ZNF385D: variants seen among roughly 807,000 people sequenced by gnomAD.
ZNF385D encodes zinc finger protein 659.
ZNF385D carries 15 observed loss-of-function variants against 35.8 expected under a neutral mutation model. That is an observed-to-expected ratio of 0.42 (90% CI 0.28 to 0.64). ZNF385D has a LOEUF of 0.64. Among genes scored for constraint, ZNF385D ranks in the 30% least tolerant of loss-of-function variants. ZNF385D has a pLI of 0.23. For synonymous variants in ZNF385D, 212 were observed against 186.8 expected (o/e 1.13, Z -1.10); for missense variants, 474 against 494.6 (o/e 0.96, Z 0.39).
At chr3:22,357,524 T>C (rs1045845205) in intron 2 of ZNF385D, among the ~76,000 whole-genome samples, 60 of 151,944 alleles carry the variant, frequency 3.9e-4, no homozygotes, top group African/African-American at 1.4e-3. Flanking sequence ...GTATTTTATT[T>C]ACATTTCTAC....
intron 3 of ZNF385D, among the ~76,000 whole-genome samples, chr3:21,760,412 C>T (rs1289427842): frequency 6.6e-6 from 1 of 152,174 alleles, no homozygotes; most frequent in African/African-American, 2.4e-5. Context: ...TAATGCTACC[C>T]ATAGCCTCTT....
chr3:21,920,875 A>G (rs1700424700), intron 3 of ZNF385D, among the ~76,000 whole-genome samples: 1 of 152,098 alleles, frequency 6.6e-6, no homozygotes, highest in African/African-American at 2.4e-5. Flanking sequence ...CAAACTTTAC[A>G]AAATACATTA....
chr3:22,164,186 T>G (rs1019064600), intron 3 of ZNF385D, among the ~76,000 whole-genome samples: 1 of 150,824 alleles, frequency 6.6e-6, no homozygotes, highest in Non-Finnish European at 1.5e-5. Context: ...GCACTCCTTT[T>G]TACACACTAT....
chr3:22,313,216 G>A (rs146044663), intron 2 of ZNF385D, among the ~76,000 whole-genome samples: 1,695 of 148,606 alleles, frequency 0.011, 31 homozygotes, highest in African/African-American at 0.038. Flanking sequence ...ACATGGACAC[G>A]GGAAGGGGAA....
rs562126693 is a variant in ZNF385D, at chr3:21,900,305, A to G, written c.326-235277T>C. 2.0e-5 allele frequency among the ~76,000 whole-genome samples: 3 copies of G among 152,276 alleles called. No homozygotes were observed. In the South Asian group the frequency reaches 6.2e-4, roughly 32 times the overall value. Reference sequence around the variant, plus strand: ...GATAACAGAGTCAAATGTGAAAGGCAAATCAAATTATGGAAAAAATCAAAT... The same window carrying G: ...GATAACAGAGTCAAATGTGAAAGGCGAATCAAATTATGGAAAAAATCAAAT... On this transcript the variant is annotated intron_variant, in intron 3 of 5. Coordinates refer to the ZNF385D transcript ENST00000494108.
chr3:21,686,410 T>A (rs559764257), intron 1 of ZNF385D, among the ~76,000 whole-genome samples: 3 of 152,308 alleles, frequency 2.0e-5, no homozygotes, highest in African/African-American at 7.2e-5. Flanking sequence ...AGAAACTGTA[T>A]GAAAAGCATC....
At chr3:22,032,410 G>A (rs771402649) in intron 3 of ZNF385D, among the ~76,000 whole-genome samples, 3 of 152,100 alleles carry the variant, frequency 2.0e-5, no homozygotes, top group African/African-American at 4.8e-5. Flanking sequence ...ACAAACTATC[G>A]GATCTCATGA....
intron 3 of ZNF385D, among the ~76,000 whole-genome samples, chr3:21,769,167 C>G (rs1251676399): frequency 6.6e-6 from 1 of 152,000 alleles, no homozygotes; most frequent in East Asian, 1.9e-4. Flanking sequence ...CCTTTGAAAA[C>G]TGGCACAAGA....
intron 2 of ZNF385D, among the ~76,000 whole-genome samples, chr3:22,179,013 C>T (rs6783754): frequency 0.13 from 20,126 of 151,744 alleles, 1,401 homozygotes; most frequent in East Asian, 0.23. Context: ...TGAAGTCAGG[C>T]AGCGTGATGC....
intron 3 of ZNF385D, among the ~76,000 whole-genome samples, chr3:21,546,532 TATG>T (rs1409826819): frequency 6.6e-6 from 1 of 151,992 alleles, no homozygotes; most frequent in African/African-American, 2.4e-5. Flanking sequence ...AGATTTGGCT[TATG>T]ATAAGGAGTC....
At chr3:21,513,913 C>T (rs1211329588) in intron 3 of ZNF385D, among the ~76,000 whole-genome samples, 1 of 152,030 alleles carries the variant, frequency 6.6e-6, no homozygotes, top group Non-Finnish European at 1.5e-5. Context: ...GGCAGAAAAC[C>T]CAGCAAGTCT....
intron 1 of ZNF385D, among the ~76,000 whole-genome samples, chr3:21,684,946 CA>C (rs1431576872): frequency 1.3e-5 from 2 of 152,118 alleles, no homozygotes; most frequent in African/African-American, 2.4e-5. Flanking sequence ...ACTCGTATGG[CA>C]ATTTGGAAAA....
chr3:21,991,887 A>G (rs1210090793), intron 3 of ZNF385D, among the ~76,000 whole-genome samples: 3 of 152,146 alleles, frequency 2.0e-5, no homozygotes, highest in Non-Finnish European at 4.4e-5. Context: ...GCCTGCATGG[A>G]TTTTACACTC....
intron 2 of ZNF385D, among the ~76,000 whole-genome samples, chr3:22,190,233 A>T (rs1054329987): frequency 1.3e-5 from 2 of 152,174 alleles, no homozygotes; most frequent in Admixed American, 1.3e-4. Flanking sequence ...AATCTATGAG[A>T]TGGGAAATTT....
chr3:21,773,768 A>AGG, intron 3 of ZNF385D, among the ~76,000 whole-genome samples: 1 of 141,988 alleles, frequency 7.0e-6, no homozygotes, highest in Admixed American at 7.1e-5. Context: ...AGTCAAAAAA[A>AGG]AAACAACTGC....
chr3:21,892,948 T>C (rs1698949761), intron 3 of ZNF385D, among the ~76,000 whole-genome samples: 1 of 152,176 alleles, frequency 6.6e-6, no homozygotes, highest in Non-Finnish European at 1.5e-5. Context: ...TTTTGGACAA[T>C]TTCTATTGCG....
intron 3 of ZNF385D, among the ~76,000 whole-genome samples, chr3:22,030,255 T>TTATATATATATATATA (rs1559316329): frequency 3.6e-5 from 1 of 27,916 alleles, no homozygotes; most frequent in African/African-American, 1.6e-4. Context: ...ATAAACTCAT[T>TTATATATATATATATA]CATATATATA....
At chr3:21,594,866 A>G (rs1195225902) in intron 2 of ZNF385D, among the ~76,000 whole-genome samples, 1 of 152,194 alleles carries the variant, frequency 6.6e-6, no homozygotes, top group Admixed American at 6.5e-5. Context: ...CATGATAATT[A>G]TAAACACATT....
intron 3 of ZNF385D, among the ~76,000 whole-genome samples, chr3:21,920,849 T>C (rs1700423260): frequency 1.3e-5 from 2 of 152,134 alleles, no homozygotes; most frequent in Non-Finnish European, 2.9e-5. Context: ...TGCTTGATGA[T>C]TAACTTCAAT....
Sources: gnomAD v4.1 joint callset for allele counts (sites outside exome capture counted in the v4.1 genomes callset) on GRCh38, gnomAD v4.1.1 for gene constraint, MANE v1.5 for transcripts, NCBI Gene and HGNC (gene_info 2026-07-23, HGNC 2026-07-21) for gene names.